ESPN: variants seen among roughly 807,000 people sequenced by gnomAD.
ESPN encodes the protein autosomal recessive deafness type 36 protein.
Under a neutral mutation model 77.7 loss-of-function variants are expected in ESPN, and 68 were observed. That is an observed-to-expected ratio of 0.87 (90% CI 0.72 to 1.07). ESPN has a LOEUF of 1.07. ESPN is among the 50% of genes least tolerant of loss of function. The probability of loss-of-function intolerance (pLI) is 0.00; values close to 1 mark genes in which losing one functional copy is unlikely to be tolerated. For synonymous variants in ESPN, 449 were observed against 567.1 expected (o/e 0.79, Z 2.96); for missense variants, 1,060 against 1,239.0 (o/e 0.86, Z 2.17).
chr1:6,425,155 C>G lies in ESPN; in HGVS notation c.200C>G (p.Ala67Gly). Residue 67 changes from alanine to glycine, a missense_variant, in exon 1 of 13, where the codon GCC (alanine) becomes GGC (glycine). Physicochemically the swap from Ala to Gly is moderately conservative, Grantham distance 60. Coordinates refer to ENST00000645284, the MANE Select transcript of ESPN (RefSeq NM_031475.3). Reference sequence around the variant, plus strand: ...GCCGCCCTCCCCGCCGCGGCCCGCGCCCGCAACGGCGCCACACCGGCCCAC... The same window carrying G: ...GCCGCCCTCCCCGCCGCGGCCCGCGGCCGCAACGGCGCCACACCGGCCCAC... ...EEAALPAAAR[A>G]RNGATPAHDA... The G allele has an allele frequency of 1.3e-6, 2 of 1,515,242 alleles. No individual in the cohort carries two copies. Among genetic ancestry groups the G allele is most frequent in the South Asian group, 1.2e-5 (1 of 82,118 alleles). The allele number at this position is 1,515,242 out of a possible 1,614,324, so 93.9% of individuals were successfully genotyped here.
At chr1:6,454,603 C>T in intron 10 of ESPN, 1 of 398,978 alleles carries the variant, frequency 2.5e-6, no homozygotes, top group Non-Finnish European at 4.4e-6. Context: ...AAGCTGGAGG[C>T]GCGCCTCGAG....
At chr1:6,442,734 G>A (rs879655530) in intron 5 of ESPN, among the ~76,000 whole-genome samples, 1 of 143,984 alleles carries the variant, frequency 6.9e-6, no homozygotes, top group Non-Finnish European at 1.5e-5. Context: ...TGGGCATGGT[G>A]GTGGGTGCCT....
chr1:6,435,238 T>A (rs551973658), intron 2 of ESPN, among the ~76,000 whole-genome samples: 163 of 151,764 alleles, frequency 1.1e-3, no homozygotes, highest in Non-Finnish European at 1.8e-3. Flanking sequence ...GCTGGACTGA[T>A]CCTCGGATGG....
chr1:6,448,723 C>CG lies in ESPN; in HGVS notation c.1552dup (p.Asp518GlyfsTer66), dbSNP rs1193621448. On this transcript the variant is annotated frameshift_variant, in exon 8 of 13. Coordinates refer to ENST00000645284, the MANE Select transcript of ESPN (RefSeq NM_031475.3). LOFTEE classifies it high-confidence loss of function. ...CGCGCCTTCAGCAAGCAGCCCAGCA[C>CG]GGGGGACTACTACCGGCAGCTGGGC... 6.7e-7 allele frequency: 1 copy of CG among 1,499,548 alleles called. No individual in the cohort carries two copies. The highest frequency in any genetic ancestry group is 8.8e-7 in the Non-Finnish European group (1 of 1,133,324). The allele number at this position is 1,499,548 out of a possible 1,614,324, so 92.9% of individuals were successfully genotyped here.
rs1642976431 is a variant in ESPN at position 6,424,893 on chromosome 1, A to G, written c.-63A>G. ...ACCGCGGGCTCCTCTGGCCCGCAAG[A>G]ACACGTGCATGGCGTCCTGGGGAAG... On this transcript the variant is annotated 5_prime_UTR_variant, in exon 1 of 13. Coordinates refer to ENST00000645284, the MANE Select transcript of ESPN (RefSeq NM_031475.3). 5.1e-6 allele frequency: 7 copies of G among 1,366,636 alleles called. No homozygotes were observed. Among genetic ancestry groups the G allele is most frequent in the Non-Finnish European group, 5.7e-6 (6 of 1,059,184 alleles). 84.7% of individuals were successfully genotyped at this position (1,366,636 alleles called of 1,614,324 possible).
intron 5 of ESPN, among the ~76,000 whole-genome samples, chr1:6,441,821 G>C (rs900419128): frequency 1.3e-5 from 2 of 152,100 alleles, no homozygotes; most frequent in Non-Finnish European, 2.9e-5. Context: ...GAAGAAGGCA[G>C]ATGGTCTGTG....
chr1:6,461,119 C>T (rs1290657370), downstream of ESPN: 2 of 588,568 alleles, frequency 3.4e-6, no homozygotes, highest in Non-Finnish European at 6.6e-6. The surrounding 1 kb of genome is among the most constrained non-coding windows in gnomAD (Gnocchi z 6.3). Context: ...GTCCACTTAA[C>T]ACCCCAGCCC....
rs1569741541 is a variant in ESPN at position 6,454,342 on chromosome 1, C to G, written c.2325+2246C>G. On this transcript the variant is annotated intron_variant, in intron 10 of 12. Coordinates refer to ENST00000645284, the MANE Select transcript of ESPN (RefSeq NM_031475.3). ...GCAGCCCCGCGGAGCCATTACACCA[C>G]CCGGGACATGCAAAAGGCTCCCGGC... is the stretch of plus-strand genomic sequence containing the variant. 7.5e-6 allele frequency: 3 copies of G among 398,374 alleles called. 1 individual carries two copies. The highest frequency in any genetic ancestry group is 2.6e-4 in the South Asian group (2 of 7,580). 24.7% of individuals were successfully genotyped at this position (398,374 alleles called of 1,614,324 possible).
chr1:6,438,049 T>C (rs1387374606), intron 2 of ESPN, among the ~76,000 whole-genome samples: 1 of 151,650 alleles, frequency 6.6e-6, no homozygotes, highest in Non-Finnish European at 1.5e-5. Flanking sequence ...GTGGTTGATC[T>C]AGGGGGTGAA....
Position 6,448,873 on chromosome 1 carries a change from G to GCCC in ESPN, c.1699_1701dup (p.Pro567dup), listed in dbSNP as rs1055197012. Reference sequence around the variant, plus strand: ...CCTGCCGCCCGCGGCTCACTCGAAGGCCCCTCCGCTCCCCCGCAGGCGGCG... The same window carrying GCCC: ...CCTGCCGCCCGCGGCTCACTCGAAGGCCCCCCCTCCGCTCCCCCGCAGGCGGCG... On this transcript the variant is annotated inframe_insertion, in exon 8 of 13. Coordinates refer to ENST00000645284, the MANE Select transcript of ESPN (RefSeq NM_031475.3). 7.7e-6 allele frequency: 10 copies of GCCC among 1,303,368 alleles called. No individual in the cohort carries two copies. Among genetic ancestry groups the GCCC allele is most frequent in the Non-Finnish European group, 8.7e-6 (9 of 1,032,034 alleles). The allele number at this position is 1,303,368 out of a possible 1,614,324, so 80.7% of individuals were successfully genotyped here. A position where few individuals can be genotyped will look rare whatever the true frequency, so the allele number is the denominator to read the frequency against.
At chr1:6,436,350 G>A (rs1643436713) in intron 2 of ESPN, among the ~76,000 whole-genome samples, 1 of 152,166 alleles carries the variant, frequency 6.6e-6, no homozygotes, top group South Asian at 2.1e-4. Flanking sequence ...GACCAGCTGA[G>A]AGAACGTGTG....
intron 1 of ESPN, 65 bp downstream of exon 1, chr1:6,425,314 G>T (rs1488559077): frequency 1.3e-6 from 2 of 1,525,102 alleles, no homozygotes; most frequent in Admixed American, 3.9e-5. Flanking sequence ...CTGGCCCAGA[G>T]TCCCCCGGGG....
At chr1:6,461,139 G>A (rs996700908), downstream of ESPN, 8 of 632,094 alleles carry the variant, frequency 1.3e-5, no homozygotes, top group Admixed American at 1.3e-4. This position sits in a 1 kb window ranked among gnomAD's most constrained non-coding sequence, Gnocchi z 6.3. Context: ...CCGCAGAAAC[G>A]CCAAGAAGCC....
downstream of ESPN, chr1:6,461,033 A>C: frequency 2.3e-6 from 1 of 429,176 alleles, no homozygotes; most frequent in South Asian, 1.9e-5. The surrounding 1 kb of genome is among the most constrained non-coding windows in gnomAD (Gnocchi z 6.3). Context: ...CTAAGGCCAC[A>C]CTGGACTCCA....
In ESPN at chr1:6,427,024, T is replaced by G. The variant is rs1334792197; in HGVS notation, c.295-1202T>G. 6.6e-6 allele frequency among the ~76,000 whole-genome samples: 1 copy of G among 152,004 alleles called. No individual in the cohort carries two copies. The highest frequency in any genetic ancestry group is 1.5e-5 in the Non-Finnish European group (1 of 67,992). On this transcript the variant is annotated intron_variant, in intron 1 of 12. Transcript: ENST00000645284. The surrounding 1 kb of genome is among the most constrained non-coding windows in gnomAD (Gnocchi z 4.6). The stretch of plus-strand genomic sequence containing the variant: ...GCCCCGGCGCCCCCAGCTCCCTCCG[T>G]GCCCTCTTTTCCTTGCATTTCTCAC...
downstream of ESPN, chr1:6,461,035 T>A (rs1284965101): frequency 2.3e-6 from 1 of 431,478 alleles, no homozygotes; most frequent in Non-Finnish European, 4.7e-6. This position sits in a 1 kb window ranked among gnomAD's most constrained non-coding sequence, Gnocchi z 6.3. Flanking sequence ...AAGGCCACAC[T>A]GGACTCCACC....
chr1:6,433,009 C>A (rs1424188164), intron 2 of ESPN, among the ~76,000 whole-genome samples: 1 of 152,094 alleles, frequency 6.6e-6, no homozygotes, highest in Non-Finnish European at 1.5e-5. Context: ...GTAGTCCCAG[C>A]TACTCGGGAG....
At chr1:6,430,262 TG>T (rs1643192958) in intron 2 of ESPN, among the ~76,000 whole-genome samples, 1 of 152,166 alleles carries the variant, frequency 6.6e-6, no homozygotes, top group Non-Finnish European at 1.5e-5. Context: ...GCTCTCTCGC[TG>T]GCGCGTGGGT....
At chr1:6,434,312 C>A (rs1213056954) in intron 2 of ESPN, among the ~76,000 whole-genome samples, 1 of 152,220 alleles carries the variant, frequency 6.6e-6, no homozygotes, top group Non-Finnish European at 1.5e-5. Flanking sequence ...CTCTTCACTC[C>A]CTGCATGCCC....
Sources: allele counts gnomAD v4.1 joint callset (sites outside exome capture counted in the v4.1 genomes callset), GRCh38; gene constraint gnomAD v4.1.1; non-coding constraint Gnocchi (gnomAD v3.1); transcripts MANE v1.5; gene names NCBI Gene and HGNC (gene_info 2026-07-23, HGNC 2026-07-21).